PDE1C: variants seen among roughly 807,000 people sequenced by gnomAD.
PDE1C encodes dual specificity calcium/calmodulin-dependent 3',5'-cyclic nucleotide phosphodiesterase 1C.
Under a neutral mutation model 93.1 loss-of-function variants are expected in PDE1C, and 62 were observed. The ratio of observed to expected loss-of-function variants is 0.67; its 90% CI spans 0.54 to 0.82. The LOEUF is 0.82. PDE1C is among the 40% of genes least tolerant of loss of function. The pLI, the probability that PDE1C is intolerant of heterozygous loss-of-function variation, is 0.00. For missense variants in PDE1C, 742 were observed against 884.6 expected, an observed-to-expected ratio of 0.84 and a Z score of 2.04; for synonymous variants, 325 against 310.1, an observed-to-expected ratio of 1.05 and a Z score of -0.50.
intron 1 of PDE1C, among the ~76,000 whole-genome samples, chr7:32,296,602 T>C (rs528592511): frequency 6.6e-4 from 101 of 152,290 alleles, no homozygotes; most frequent in African/African-American, 1.9e-3. Flanking sequence ...CACCAGACCA[T>C]ACCAATCTGC....
At chr7:31,856,359 C>A (rs960515071) in intron 7 of PDE1C, among the ~76,000 whole-genome samples, 4 of 152,164 alleles carry the variant, frequency 2.6e-5, no homozygotes, top group African/African-American at 9.7e-5. Context: ...AAGAATCATT[C>A]TAAATATGGT....
At chr7:32,129,749 A>G (rs1282876506) in intron 3 of PDE1C, among the ~76,000 whole-genome samples, 1 of 152,090 alleles carries the variant, frequency 6.6e-6, no homozygotes, top group Non-Finnish European at 1.5e-5. Flanking sequence ...TTCTAATAGT[A>G]TAACTTCTTT....
At chr7:31,711,333 C>T in the PDE1C span, among the ~76,000 whole-genome samples, 1 of 152,208 alleles carries the variant, frequency 6.6e-6, no homozygotes, top group Non-Finnish European at 1.5e-5. Flanking sequence ...AGACTGTGCT[C>T]TGAGCCCTTG....
At chr7:31,937,275 G>C (rs1022041388) in intron 2 of PDE1C, among the ~76,000 whole-genome samples, 17 of 152,130 alleles carry the variant, frequency 1.1e-4, no homozygotes, top group African/African-American at 3.6e-4. Flanking sequence ...AGCTTTGCAG[G>C]ACCATTTCAA....
chr7:32,371,064 G>C (rs1474738050), intron 1 of PDE1C, among the ~76,000 whole-genome samples: 1 of 149,898 alleles, frequency 6.7e-6, no homozygotes, highest in East Asian at 2.0e-4. Flanking sequence ...GACACTGCCT[G>C]CCTCCCCAGC....
chr7:31,802,727 A>C (rs1017694061), intron 16 of PDE1C, among the ~76,000 whole-genome samples: 1 of 151,748 alleles, frequency 6.6e-6, no homozygotes, highest in Admixed American at 6.6e-5. Flanking sequence ...TTAATTAAAA[A>C]ATTTAGCTCC....
chr7:31,819,846 G>C (rs1052593556), intron 14 of PDE1C, among the ~76,000 whole-genome samples: 1 of 147,952 alleles, frequency 6.8e-6, no homozygotes. Context: ...CAACCAGAGA[G>C]AGAAAGAGAG....
upstream of PDE1C, among the ~76,000 whole-genome samples, chr7:32,074,233 G>A (rs1280919103): frequency 2.0e-5 from 3 of 152,054 alleles, no homozygotes; most frequent in Non-Finnish European, 4.4e-5. Context: ...AAAAAAATAG[G>A]AATCAGGCTT....
At chr7:31,628,520 C>T in the PDE1C span, among the ~76,000 whole-genome samples, 176 of 151,064 alleles carry the variant, frequency 1.2e-3, 1 homozygote, top group Non-Finnish European at 1.8e-3. Context: ...TACAGTGGCG[C>T]GACCTCAGCT....
upstream of PDE1C, chr7:32,070,869 G>T (rs1795981363): frequency 1.1e-5 from 11 of 986,166 alleles, no homozygotes; most frequent in Non-Finnish European, 1.3e-5. Context: ...GCCGGCGCGG[G>T]CGGTGGGGCC....
intron 2 of PDE1C, among the ~76,000 whole-genome samples, chr7:32,038,753 T>A (rs967164553): frequency 3.9e-5 from 6 of 152,140 alleles, no homozygotes; most frequent in African/African-American, 1.4e-4. Context: ...GGGGGGATCA[T>A]CTACCCTATG....
intron 2 of PDE1C, among the ~76,000 whole-genome samples, chr7:32,029,059 C>G (rs1789895056): frequency 6.6e-6 from 1 of 151,926 alleles, no homozygotes; most frequent in South Asian, 2.1e-4. Context: ...AAACAAAAAG[C>G]CTAATTTAAA....
intron 3 of PDE1C, among the ~76,000 whole-genome samples, chr7:32,167,653 T>C (rs1802385974): frequency 6.6e-6 from 1 of 152,170 alleles, no homozygotes; most frequent in Non-Finnish European, 1.5e-5. Flanking sequence ...AAGAAAAGAC[T>C]GGACCTCCTG....
chr7:31,921,575 T>C (rs1278536059), intron 2 of PDE1C, among the ~76,000 whole-genome samples: 2 of 152,162 alleles, frequency 1.3e-5, no homozygotes, highest in Non-Finnish European at 2.9e-5. Flanking sequence ...AACATTTAAC[T>C]CCTCATATCA....
the PDE1C span, among the ~76,000 whole-genome samples, chr7:31,684,306 A>G: frequency 6.6e-6 from 1 of 152,222 alleles, no homozygotes; most frequent in South Asian, 2.1e-4. Flanking sequence ...ATTAAGTGAC[A>G]AAAGGATTTG....
downstream of PDE1C, among the ~76,000 whole-genome samples, chr7:31,747,380 AT>A (rs1375186372): frequency 1.6e-4 from 24 of 152,350 alleles, no homozygotes; most frequent in Admixed American, 2.6e-4. Flanking sequence ...TAAAAAATAT[AT>A]TAGCATATAT....
At chr7:32,340,878 G>T (rs1783733787) in intron 1 of PDE1C, among the ~76,000 whole-genome samples, 2 of 152,238 alleles carry the variant, frequency 1.3e-5, no homozygotes, top group South Asian at 4.2e-4. Context: ...GGAGCACAGA[G>T]GATTTTTAGA....
At chr7:31,882,555 C>G (rs143781657) in intron 2 of PDE1C, among the ~76,000 whole-genome samples, 3 of 151,720 alleles carry the variant, frequency 2.0e-5, no homozygotes, top group Non-Finnish European at 2.9e-5. Flanking sequence ...GACTCCCAAA[C>G]GAAAAAATGA....
At chr7:32,313,625 C>T (rs1187706963) in intron 1 of PDE1C, among the ~76,000 whole-genome samples, 3 of 151,762 alleles carry the variant, frequency 2.0e-5, no homozygotes, top group African/African-American at 4.8e-5. Flanking sequence ...AAACTGGAAA[C>T]CATCATTCTC....
Sources: gnomAD v4.1 joint callset for allele counts (sites outside exome capture counted in the v4.1 genomes callset) on GRCh38, gnomAD v4.1.1 for gene constraint, MANE v1.5 for transcripts, NCBI Gene and HGNC (gene_info 2026-07-23, HGNC 2026-07-21) for gene names.